The following NALF1 variants were observed in gnomAD, a reference collection of about 807,000 sequenced individuals.
The protein encoded by NALF1 is family with sequence similarity 155 member A.
NALF1 carries 3 observed loss-of-function variants against 48.4 expected under a neutral mutation model. The observed-to-expected ratio is 0.06, with a 90% confidence interval of 0.03 to 0.16. The LOEUF (loss-of-function observed/expected upper bound fraction) is 0.16. NALF1 is among the 10% of genes least tolerant of loss of function. NALF1 has a pLI of 1.00. For missense variants in NALF1, 526 were observed against 571.5 expected, an observed-to-expected ratio of 0.92 and a Z score of 0.81; for synonymous variants, 262 against 245.7, an observed-to-expected ratio of 1.07 and a Z score of -0.62.
Position 107,640,441 on chromosome 13 carries a change from A to G in NALF1, c.915+225241T>C, listed in dbSNP as rs11841487. ...TTTGGTTTTATTTTATTTTAACATA[A>G]CATTTTTAAGATACAGTAAAATGGC... On this transcript the variant is annotated intron_variant, in intron 1 of 2. Transcript: ENST00000375915. Among the ~76,000 whole-genome samples the G allele has an allele frequency of 4.4e-3, 663 of 152,272 alleles. 9 individuals carry two copies. The highest frequency in any genetic ancestry group is 0.016 in the African/African-American group (646 of 41,580).
At chr13:107,456,797 A>G (rs2139039615) in intron 1 of NALF1, among the ~76,000 whole-genome samples, 1 of 152,320 alleles carries the variant, frequency 6.6e-6, no homozygotes, top group South Asian at 2.1e-4. Context: ...TGAAATTACC[A>G]TAAACTCTAG....
At chr13:107,286,997 T>C (rs1881507494) in intron 1 of NALF1, among the ~76,000 whole-genome samples, 2 of 152,220 alleles carry the variant, frequency 1.3e-5, no homozygotes, top group Non-Finnish European at 2.9e-5. Flanking sequence ...AGTATGAATG[T>C]TCTCAATGCC....
chr13:107,329,680 T>A (rs564277808), intron 1 of NALF1, among the ~76,000 whole-genome samples: 1 of 126,692 alleles, frequency 7.9e-6, no homozygotes, highest in Non-Finnish European at 1.6e-5. Flanking sequence ...ATCCCTGATG[T>A]GTGTGTGATG....
intron 1 of NALF1, among the ~76,000 whole-genome samples, chr13:107,396,658 A>C (rs185361506): frequency 1.4e-4 from 21 of 152,320 alleles, no homozygotes; most frequent in Non-Finnish European, 4.4e-5. Flanking sequence ...AAATATTCTG[A>C]AAAAGCACAT....
rs535334709 is a variant in NALF1, at chr13:107,185,850, T to C, written c.1088-15064A>G. 8.5e-5 allele frequency among the ~76,000 whole-genome samples: 13 copies of C among 152,332 alleles called. No individual in the cohort carries two copies. The South Asian group carries it at 2.7e-3, about 32-fold the overall frequency. On this transcript the variant is annotated intron_variant, in intron 2 of 2. Transcript: ENST00000375915. ...CAATCAGGTTATACCTTCAACACTT[T>C]GCTGAGCAGTCTCCTCAGCTAAGTA... is the stretch of plus-strand genomic sequence containing the variant.
intron 1 of NALF1, among the ~76,000 whole-genome samples, chr13:107,635,359 C>G (rs1879947619): frequency 6.6e-6 from 1 of 151,854 alleles, no homozygotes; most frequent in Admixed American, 6.6e-5. Context: ...AGAGAAGTGC[C>G]AAGCAAAGGG....
Position 107,490,813 on chromosome 13 carries a change from G to T in NALF1, c.916-280058C>A, listed in dbSNP as rs79000984. On this transcript the variant is annotated intron_variant, in intron 1 of 2. Transcript: ENST00000375915. ...AACACAATATAATATAAGAAATGAT[G>T]AATAATAACATAATGTACTTGAGAG... Among the ~76,000 whole-genome samples the T allele has an allele frequency of 7.2e-3, 1,090 of 152,054 alleles. 17 individuals are homozygous for T. Among genetic ancestry groups the T allele is most frequent in the African/African-American group, 0.025 (1,046 of 41,462 alleles).
At chr13:107,339,047 T>C (rs1205812733) in intron 1 of NALF1, among the ~76,000 whole-genome samples, 2 of 148,740 alleles carry the variant, frequency 1.3e-5, no homozygotes, top group Non-Finnish European at 3.0e-5. Flanking sequence ...GGCAGGAGAA[T>C]GGCGTGAACT....
At chr13:107,315,581 G>A (rs1168440423) in intron 1 of NALF1, among the ~76,000 whole-genome samples, 1 of 151,934 alleles carries the variant, frequency 6.6e-6, no homozygotes, top group Non-Finnish European at 1.5e-5. Context: ...AAGGTACTTT[G>A]TTGGGTTTTC....
intron 1 of NALF1, among the ~76,000 whole-genome samples, chr13:107,535,174 C>T (rs1876763921): frequency 6.6e-6 from 1 of 152,066 alleles, no homozygotes; most frequent in African/African-American, 2.4e-5. Flanking sequence ...CCCTTTATAT[C>T]TTTCTCCTCC....
intron 1 of NALF1, among the ~76,000 whole-genome samples, chr13:107,721,176 T>C (rs1875975287): frequency 6.6e-6 from 1 of 151,870 alleles, no homozygotes; most frequent in Non-Finnish European, 1.5e-5. Context: ...AACTCTCATT[T>C]ATGGAATAGA....
At chr13:107,690,502 G>A (rs1226113900) in intron 1 of NALF1, among the ~76,000 whole-genome samples, 1 of 152,090 alleles carries the variant, frequency 6.6e-6, no homozygotes, top group Non-Finnish European at 1.5e-5. Context: ...TTGTCTCCTG[G>A]GGCAGATTTA....
At chr13:107,810,186 C>A (rs115476052) in intron 1 of NALF1, among the ~76,000 whole-genome samples, 2,932 of 152,128 alleles carry the variant, frequency 0.019, 113 homozygotes, top group African/African-American at 0.068. Context: ...TTCTCCAAGA[C>A]CAACAACCTC....
intron 1 of NALF1, among the ~76,000 whole-genome samples, chr13:107,374,987 G>C (rs1377284958): frequency 1.3e-5 from 2 of 152,128 alleles, no homozygotes; most frequent in Non-Finnish European, 2.9e-5. Flanking sequence ...GACTAAGAGA[G>C]TATCCTCCAC....
chr13:107,456,980 T>C (rs1025777025), intron 1 of NALF1, among the ~76,000 whole-genome samples: 6 of 152,146 alleles, frequency 3.9e-5, no homozygotes, highest in African/African-American at 1.4e-4. Flanking sequence ...TTAAAGCTCA[T>C]GGGCTTTAAA....
chr13:107,801,731 G>C (rs1372550835), intron 1 of NALF1, among the ~76,000 whole-genome samples: 1 of 152,132 alleles, frequency 6.6e-6, no homozygotes, highest in Non-Finnish European at 1.5e-5. Flanking sequence ...CATTGATAGA[G>C]AGCAATTTCA....
intron 1 of NALF1, among the ~76,000 whole-genome samples, chr13:107,368,837 AT>A (rs1225240458): frequency 6.6e-6 from 1 of 152,106 alleles, no homozygotes; most frequent in Non-Finnish European, 1.5e-5. Flanking sequence ...GGGGGCCACT[AT>A]TCACGCCTCT....
chr13:107,305,051 C>G (rs1881908990), intron 1 of NALF1, among the ~76,000 whole-genome samples: 1 of 152,162 alleles, frequency 6.6e-6, no homozygotes, highest in South Asian at 2.1e-4. Flanking sequence ...ATAACAGTTG[C>G]TTGAACAAAA....
chr13:107,794,705 A>G (rs1878360982), intron 1 of NALF1, among the ~76,000 whole-genome samples: 1 of 151,656 alleles, frequency 6.6e-6, no homozygotes, highest in Non-Finnish European at 1.5e-5. Flanking sequence ...AATAATGGCA[A>G]CTCTATTACA....
Sources: allele counts gnomAD v4.1 joint callset (sites outside exome capture counted in the v4.1 genomes callset), GRCh38; gene constraint gnomAD v4.1.1; transcripts MANE v1.5; gene names NCBI Gene and HGNC (gene_info 2026-07-23, HGNC 2026-07-21).